The following RCAN2 variants were observed in gnomAD, a reference collection of about 807,000 sequenced individuals.
RCAN2 encodes regulator of calcineurin 2.
Under a neutral mutation model 23.6 loss-of-function variants are expected in RCAN2, and 9 were observed. The ratio of observed to expected loss-of-function variants is 0.38; its 90% CI spans 0.23 to 0.67. RCAN2 has a LOEUF of 0.67. RCAN2 is among the 30% of genes least tolerant of loss of function. The pLI is 0.51. For missense variants in RCAN2, 273 were observed against 302.3 expected (o/e 0.90, Z 0.72); for synonymous variants, 109 against 115.7 (o/e 0.94, Z 0.37).
chr6:46,256,883 T>C (rs949177804), intron 2 of RCAN2, among the ~76,000 whole-genome samples: 4 of 152,214 alleles, frequency 2.6e-5, no homozygotes, highest in African/African-American at 7.2e-5. Context: ...TCACAATGAG[T>C]GGGCCAACAT....
intron 2 of RCAN2, among the ~76,000 whole-genome samples, chr6:46,442,123 G>C (rs575842947): frequency 6.6e-6 from 1 of 152,342 alleles, no homozygotes; most frequent in South Asian, 2.1e-4. Context: ...CAGGCAGGGT[G>C]AAGCCCATGA....
intron 2 of RCAN2, among the ~76,000 whole-genome samples, chr6:46,403,662 G>C (rs1766321776): frequency 6.6e-6 from 1 of 151,836 alleles, no homozygotes; most frequent in Non-Finnish European, 1.5e-5. Flanking sequence ...CTGCTGGTTA[G>C]ATAAGGTTAG....
intron 2 of RCAN2, among the ~76,000 whole-genome samples, chr6:46,269,396 T>C (rs1015056239): frequency 1.3e-5 from 2 of 152,212 alleles, no homozygotes; most frequent in Non-Finnish European, 2.9e-5. Flanking sequence ...ACAGCAGCTG[T>C]GTTCTTGTGT....
At chr6:46,325,241 A>G (rs1405999007) in intron 2 of RCAN2, 2 of 697,352 alleles carry the variant, frequency 2.9e-6, no homozygotes, top group African/African-American at 1.8e-5. Context: ...AACTTATTCT[A>G]CTTAATGCAG....
At chr6:46,406,608 T>A (rs966271849) in intron 2 of RCAN2, among the ~76,000 whole-genome samples, 3 of 152,236 alleles carry the variant, frequency 2.0e-5, no homozygotes, top group African/African-American at 7.2e-5. Context: ...GTCAGCTCTC[T>A]TTTTTCTTAA....
chr6:46,461,217 A>G (rs1055119677), intron 1 of RCAN2, among the ~76,000 whole-genome samples: 3 of 152,162 alleles, frequency 2.0e-5, no homozygotes, highest in Non-Finnish European at 2.9e-5. Context: ...CCTGCTGTTT[A>G]GTATACCGCT....
At chr6:46,425,055 G>A (rs1766996372) in intron 2 of RCAN2, among the ~76,000 whole-genome samples, 1 of 152,140 alleles carries the variant, frequency 6.6e-6, no homozygotes, top group Admixed American at 6.5e-5. Context: ...GCATGCATGT[G>A]GTCCCCTTTC....
chr6:46,338,159 G>A (rs77569103), intron 2 of RCAN2, among the ~76,000 whole-genome samples: 1 of 152,300 alleles, frequency 6.6e-6, no homozygotes, highest in East Asian at 1.9e-4. Flanking sequence ...GGGATGAGCA[G>A]GTGGCTCTTA....
chr6:46,226,919 G>C (rs1765688908), intron 4 of RCAN2, among the ~76,000 whole-genome samples: 1 of 152,054 alleles, frequency 6.6e-6, no homozygotes, highest in East Asian at 1.9e-4. Context: ...ATTAGCTGTG[G>C]GTTTGTCATA....
At chr6:46,254,483 A>C (rs112677864) in intron 2 of RCAN2, among the ~76,000 whole-genome samples, 5 of 152,322 alleles carry the variant, frequency 3.3e-5, no homozygotes, top group African/African-American at 1.2e-4. Context: ...CCTTACTGAG[A>C]GAGCTGTTTG....
At chr6:46,397,000 A>G (rs1766109974) in intron 2 of RCAN2, among the ~76,000 whole-genome samples, 2 of 152,090 alleles carry the variant, frequency 1.3e-5, no homozygotes, top group African/African-American at 4.8e-5. Context: ...AATCCTAGCT[A>G]CTAGGGAGAC....
At chr6:46,249,780 C>A (rs1766647232) in intron 2 of RCAN2, among the ~76,000 whole-genome samples, 1 of 152,010 alleles carries the variant, frequency 6.6e-6, no homozygotes, top group Non-Finnish European at 1.5e-5. Context: ...CTGAAGAGGC[C>A]ATGTGTTTCA....
At chr6:46,313,784 G>A (rs1763339243) in intron 2 of RCAN2, among the ~76,000 whole-genome samples, 1 of 152,194 alleles carries the variant, frequency 6.6e-6, no homozygotes, top group Non-Finnish European at 1.5e-5. Context: ...GAGGTGTTAT[G>A]AGGCAACATT....
chr6:46,422,193 C>A (rs1221952795), intron 2 of RCAN2, among the ~76,000 whole-genome samples: 9 of 152,046 alleles, frequency 5.9e-5, no homozygotes, highest in Non-Finnish European at 1.3e-4. Flanking sequence ...TTAGTTCCTG[C>A]GAGAGTTCTC....
At chr6:46,408,263 T>C (rs1766456756) in intron 2 of RCAN2, among the ~76,000 whole-genome samples, 1 of 152,120 alleles carries the variant, frequency 6.6e-6, no homozygotes, top group South Asian at 2.1e-4. Context: ...TGTTTACATG[T>C]TTAGAGCCAT....
At chr6:46,481,053 A>AT (rs1768845878) in intron 1 of RCAN2, among the ~76,000 whole-genome samples, 1 of 152,168 alleles carries the variant, frequency 6.6e-6, no homozygotes, top group African/African-American at 2.4e-5. Context: ...TCATTTTACC[A>AT]CTGACTGAGT....
chr6:46,257,936 A>T (rs1766974237), intron 2 of RCAN2, among the ~76,000 whole-genome samples: 1 of 152,236 alleles, frequency 6.6e-6, no homozygotes, highest in Non-Finnish European at 1.5e-5. Context: ...TTGTCAATCC[A>T]AAAGAACAGT....
chr6:46,449,459 C>G (rs1276901480), intron 2 of RCAN2, among the ~76,000 whole-genome samples: 1 of 150,746 alleles, frequency 6.6e-6, no homozygotes, highest in African/African-American at 2.4e-5. Flanking sequence ...CAATCTCTAA[C>G]AAAATTCCAA....
intron 2 of RCAN2, among the ~76,000 whole-genome samples, chr6:46,312,655 A>G (rs1763302077): frequency 6.6e-6 from 1 of 152,204 alleles, no homozygotes; most frequent in Non-Finnish European, 1.5e-5. Context: ...CAACTTAATC[A>G]TATCCTCAAG....
Sources: gnomAD v4.1 joint callset for allele counts (sites outside exome capture counted in the v4.1 genomes callset) on GRCh38, gnomAD v4.1.1 for gene constraint, MANE v1.5 for transcripts, NCBI Gene and HGNC (gene_info 2026-07-23, HGNC 2026-07-21) for gene names.